The following CELF2 variants were observed in gnomAD, a reference collection of about 807,000 sequenced individuals.
CELF2 encodes the protein CUG triplet repeat RNA-binding protein 2.
CELF2 carries 8 observed loss-of-function variants against 62.6 expected under a neutral mutation model. The ratio of observed to expected loss-of-function variants is 0.13; its 90% CI spans 0.07 to 0.23. CELF2 has a LOEUF of 0.23. CELF2 is among the 10% of genes least tolerant of loss of function. CELF2 has a pLI of 1.00. For synonymous variants in CELF2, 258 were observed against 250.0 expected (o/e 1.03, Z -0.30); for missense variants, 333 against 671.0 (o/e 0.50, Z 5.56).
Position 11,224,682 on chromosome 10 carries a change from C to T in CELF2, c.354+7175C>T, listed in dbSNP as rs146952198. ...GTATAGGGTTTCCATGAGAACTCAT[C>T]TCTGAGAATATCATATCTGGCTGGA... is the stretch of plus-strand genomic sequence containing the variant. On this transcript the variant is annotated intron_variant, in intron 3 of 12. Coordinates refer to ENST00000633077, the MANE Select transcript of CELF2 (RefSeq NM_001326342.2). The surrounding 1 kb of genome is among the most constrained non-coding windows in gnomAD (Gnocchi z 4.5). Among the ~76,000 whole-genome samples, 9 of 152,324 alleles carry T rather than the reference C, an allele frequency of 5.9e-5. No homozygotes were observed. The highest frequency in any genetic ancestry group is 1.3e-4 in the Non-Finnish European group (9 of 68,028).
intron 1 of CELF2, among the ~76,000 whole-genome samples, chr10:10,829,770 G>A (rs1197946290): frequency 6.6e-6 from 1 of 152,162 alleles, no homozygotes; most frequent in African/African-American, 2.4e-5. Context: ...TGGGGTGACT[G>A]GGACACACAC....
At chr10:11,233,895 T>C (rs1432287211) in intron 3 of CELF2, among the ~76,000 whole-genome samples, 1 of 152,204 alleles carries the variant, frequency 6.6e-6, no homozygotes, top group Non-Finnish European at 1.5e-5. Flanking sequence ...AGATGCTCTC[T>C]AGAATGGGAG....
At chr10:10,998,335 C>T (rs1026327829) in intron 2 of CELF2, among the ~76,000 whole-genome samples, 4 of 152,186 alleles carry the variant, frequency 2.6e-5, no homozygotes, top group Non-Finnish European at 5.9e-5. Context: ...GTCTCCACTA[C>T]CTCTTTGGCC....
the CELF2 span, among the ~76,000 whole-genome samples, chr10:10,754,879 C>T: frequency 6.6e-6 from 1 of 152,224 alleles, no homozygotes; most frequent in African/African-American, 2.4e-5. Flanking sequence ...AATTCCTCAG[C>T]AGCAAGCCAT....
chr10:11,213,954 C>T (rs923170600), intron 2 of CELF2, among the ~76,000 whole-genome samples: 7 of 152,234 alleles, frequency 4.6e-5, no homozygotes, highest in Non-Finnish European at 5.9e-5. Context: ...CACCTAGTTT[C>T]GTGGGGGGAT....
At chr10:10,767,293 C>T in the CELF2 span, among the ~76,000 whole-genome samples, 24 of 151,944 alleles carry the variant, frequency 1.6e-4, no homozygotes, top group African/African-American at 5.8e-4. Flanking sequence ...CTTCCAAAGT[C>T]GATGACAGGG....
At chr10:11,238,832 A>G (rs531381647) in intron 3 of CELF2, among the ~76,000 whole-genome samples, 10 of 152,334 alleles carry the variant, frequency 6.6e-5, no homozygotes, top group Admixed American at 5.2e-4. Context: ...TTTTTCATTC[A>G]TGGTCCGTGC....
intron 9 of CELF2, among the ~76,000 whole-genome samples, chr10:11,292,261 A>AACAGAGAT (rs1166117123): frequency 6.6e-6 from 1 of 152,204 alleles, no homozygotes; most frequent in Admixed American, 6.5e-5. Context: ...ATCTGAGGGT[A>AACAGAGAT]ACAGAGATTG....
chr10:10,905,582 TAA>T (rs11386664), intron 1 of CELF2, among the ~76,000 whole-genome samples: 3 of 143,846 alleles, frequency 2.1e-5, no homozygotes, highest in African/African-American at 5.1e-5. Flanking sequence ...CATCTCTACT[TAA>T]AAAAAAAAAA....
intron 3 of CELF2, among the ~76,000 whole-genome samples, chr10:11,232,019 T>C (rs543146955): frequency 1.3e-5 from 2 of 152,184 alleles, no homozygotes; most frequent in African/African-American, 2.4e-5. Flanking sequence ...TACTTTAAGT[T>C]TTAGGGTACA....
chr10:10,618,002 C>A, the CELF2 span, among the ~76,000 whole-genome samples: 5 of 152,168 alleles, frequency 3.3e-5, no homozygotes, highest in Middle Eastern at 0.01. Context: ...TAAATCAAAG[C>A]AATCTTGAAC....
At chr10:10,686,049 G>A in the CELF2 span, among the ~76,000 whole-genome samples, 4 of 152,072 alleles carry the variant, frequency 2.6e-5, no homozygotes, top group African/African-American at 7.2e-5. Flanking sequence ...TTTCAGGACC[G>A]TGCTGCTTAA....
At chr10:10,876,289 G>C (rs2061086848) in intron 1 of CELF2, among the ~76,000 whole-genome samples, 1 of 152,146 alleles carries the variant, frequency 6.6e-6, no homozygotes, top group Admixed American at 6.5e-5. Flanking sequence ...GTTATGCTTA[G>C]GAGGAAGAGA....
At chr10:10,725,910 G>A in the CELF2 span, among the ~76,000 whole-genome samples, 101 of 149,400 alleles carry the variant, frequency 6.8e-4, 1 homozygote, top group African/African-American at 2.3e-3. Flanking sequence ...AAAAAAAAAA[G>A]AGTTCCAAAA....
the CELF2 span, among the ~76,000 whole-genome samples, chr10:10,686,516 C>T: frequency 3.3e-5 from 5 of 152,106 alleles, no homozygotes; most frequent in African/African-American, 1.2e-4. Context: ...TGTAATAATC[C>T]CCAGGTGTCA....
chr10:11,016,549 C>T (rs1026898428), upstream of CELF2, among the ~76,000 whole-genome samples: 1 of 152,210 alleles, frequency 6.6e-6, no homozygotes, highest in African/African-American at 2.4e-5. The surrounding 1 kb of genome is among the most constrained non-coding windows in gnomAD (Gnocchi z 5.2). Context: ...CATTTGCCTT[C>T]ATAACCTCTA....
the CELF2 span, among the ~76,000 whole-genome samples, chr10:10,753,111 T>C: frequency 6.6e-6 from 1 of 152,220 alleles, no homozygotes; most frequent in African/African-American, 2.4e-5. Context: ...GCATTAAATA[T>C]TAAAAAGGTA....
chr10:10,900,564 T>C (rs943816912), intron 1 of CELF2, among the ~76,000 whole-genome samples: 4 of 152,108 alleles, frequency 2.6e-5, no homozygotes, highest in African/African-American at 9.7e-5. Context: ...GTTCTCAACC[T>C]GAAACTTCCT....
At chr10:10,608,436 A>T in the CELF2 span, among the ~76,000 whole-genome samples, 42,508 of 151,862 alleles carry the variant, frequency 0.28, 6,268 homozygotes, top group South Asian at 0.51. Flanking sequence ...ATCCCACAGG[A>T]TCCTTAATTA....
Sources: gnomAD v4.1 joint callset for allele counts (sites outside exome capture counted in the v4.1 genomes callset) on GRCh38, gnomAD v4.1.1 for gene constraint, Gnocchi (gnomAD v3.1) non-coding constraint, MANE v1.5 for transcripts, NCBI Gene and HGNC (gene_info 2026-07-23, HGNC 2026-07-21) for gene names.